The following TMOD2 variants were observed in gnomAD, a reference collection of about 807,000 sequenced individuals.
TMOD2 encodes the protein tropomodulin-2.
A neutral mutation model predicts 39.9 loss-of-function variants in TMOD2; 22 were observed. The observed-to-expected ratio is 0.55, with a 90% CI of 0.39 to 0.79. The LOEUF is 0.79. Among genes scored for constraint, TMOD2 ranks in the 30% least tolerant of loss-of-function variants. TMOD2 has a pLI of 0.00. For synonymous variants in TMOD2, 123 were observed against 146.1 expected (o/e 0.84, Z 1.14); for missense variants, 386 against 413.3 (o/e 0.93, Z 0.57).
intron 7 of TMOD2, among the ~76,000 whole-genome samples, chr15:51,797,275 C>G (rs1834107784): frequency 1.3e-5 from 2 of 152,134 alleles, no homozygotes; most frequent in Non-Finnish European, 2.9e-5. Flanking sequence ...GCACCTTCAC[C>G]AGAGGCTCTT....
At chr15:51,803,859 T>C (rs747649195) in intron 8 of TMOD2, among the ~76,000 whole-genome samples, 5 of 152,252 alleles carry the variant, frequency 3.3e-5, no homozygotes, top group Non-Finnish European at 7.3e-5. Flanking sequence ...AGAAAATTCA[T>C]TGTTCTTATT....
chr15:51,778,667 T>C (rs1448370304), intron 5 of TMOD2, among the ~76,000 whole-genome samples: 1,676 of 136,660 alleles, frequency 0.012, 28 homozygotes, highest in Admixed American at 0.055. Context: ...TTTTTTTTTT[T>C]TTCTTGAGAC....
chr15:51,768,754 C>T (rs12904900), intron 3 of TMOD2, among the ~76,000 whole-genome samples: 56,269 of 142,012 alleles, frequency 0.4, 11,538 homozygotes, highest in Admixed American at 0.44. Flanking sequence ...ATTTTATTGT[C>T]GTGGAGGGTC....
chr15:51,792,685 TA>T (rs1459170621), intron 7 of TMOD2, among the ~76,000 whole-genome samples: 2 of 152,100 alleles, frequency 1.3e-5, no homozygotes, highest in African/African-American at 4.8e-5. Flanking sequence ...TATGCAGCCA[TA>T]AAAAAGGATT....
chr15:51,789,956 A>G (rs2055998765), intron 7 of TMOD2, among the ~76,000 whole-genome samples: 1 of 152,196 alleles, frequency 6.6e-6, no homozygotes, highest in Non-Finnish European at 1.5e-5. Context: ...AGAACTAGAG[A>G]AGCAAGAGCA....
At chr15:51,787,151 A>G (rs2055976225) in intron 7 of TMOD2, among the ~76,000 whole-genome samples, 1 of 152,240 alleles carries the variant, frequency 6.6e-6, no homozygotes. Flanking sequence ...CACAGTCTTC[A>G]CAACCAGCGG....
intron 7 of TMOD2, among the ~76,000 whole-genome samples, chr15:51,791,749 A>G (rs940609792): frequency 2.6e-5 from 4 of 152,264 alleles, no homozygotes; most frequent in Non-Finnish European, 5.9e-5. Flanking sequence ...CACACAAGCA[A>G]TGGGGAAAAG....
At chr15:51,764,181 G>A (rs930608652) in intron 1 of TMOD2, among the ~76,000 whole-genome samples, 11 of 152,106 alleles carry the variant, frequency 7.2e-5, no homozygotes, top group East Asian at 1.9e-4. Context: ...CCCGGGCTTC[G>A]TGTTGCACAC....
rs771713735 is a variant in TMOD2 at position 51,782,712 on chromosome 15, C to T, written c.625-9C>T. 1 of 1,609,374 alleles carries T rather than the reference C, an allele frequency of 6.2e-7. No homozygotes were observed. Among genetic ancestry groups the T allele is most frequent in the Non-Finnish European group, 8.5e-7 (1 of 1,176,338 alleles). On this transcript the variant is annotated splice_polypyrimidine_tract_variant and intron_variant, in intron 6 of 9. Transcript: ENST00000249700. ...GGTTCATCAACTAGCCATGTCCTCT[C>T]TGTCTTAGAACATTCCAATTCCAAC...
At chr15:51,761,049 G>A (rs181578435) in intron 1 of TMOD2, among the ~76,000 whole-genome samples, 10 of 152,268 alleles carry the variant, frequency 6.6e-5, no homozygotes, top group African/African-American at 2.4e-4. Flanking sequence ...AGATTGTCTG[G>A]ATTTCATTCT....
At chr15:51,785,268 C>T (rs545533139) in intron 7 of TMOD2, among the ~76,000 whole-genome samples, 4 of 151,916 alleles carry the variant, frequency 2.6e-5, no homozygotes, top group East Asian at 3.9e-4. Flanking sequence ...AAAAATTAGC[C>T]GGGCGCGGTG....
intron 1 of TMOD2, among the ~76,000 whole-genome samples, chr15:51,758,297 G>A (rs1189822486): frequency 6.6e-6 from 1 of 152,074 alleles, no homozygotes; most frequent in African/African-American, 2.4e-5. Context: ...GTATGACATG[G>A]CACTTATTTT....
At chr15:51,785,835 G>C (rs1468833141) in intron 7 of TMOD2, among the ~76,000 whole-genome samples, 1 of 152,062 alleles carries the variant, frequency 6.6e-6, no homozygotes, top group Non-Finnish European at 1.5e-5. Context: ...TTGAGGTGAT[G>C]GCTATTCCAA....
intron 1 of TMOD2, among the ~76,000 whole-genome samples, chr15:51,758,146 A>T (rs550356930): frequency 6.6e-6 from 1 of 152,206 alleles, no homozygotes; most frequent in Non-Finnish European, 1.5e-5. Flanking sequence ...GTTGTGCTCC[A>T]GGAGGATGCA....
At chr15:51,766,669 C>A in intron 2 of TMOD2, 102 bp downstream of exon 2, 1 of 1,310,088 alleles carries the variant, frequency 7.6e-7, no homozygotes, top group African/African-American at 1.5e-5. Flanking sequence ...TCGGAATGCA[C>A]ATTTTCTTTT....
At chr15:51,789,122 G>A (rs1405408384) in intron 7 of TMOD2, among the ~76,000 whole-genome samples, 1 of 152,168 alleles carries the variant, frequency 6.6e-6, no homozygotes, top group Admixed American at 6.5e-5. Flanking sequence ...CCCATCTCAT[G>A]TACAAAGACA....
At position 51,813,388 on chromosome 15, in the gene TMOD2, G is replaced by A. The variant is rs1221129654; in HGVS notation, c.*4934G>A. 1 of 152,220 alleles carries A rather than the reference G, an allele frequency of 6.6e-6. No homozygotes were observed. The highest frequency in any genetic ancestry group is 1.5e-5 in the Non-Finnish European group (1 of 68,088). 9.4% of individuals were successfully genotyped at this position (152,220 alleles called of 1,614,324 possible). Reference sequence around the variant, plus strand: ...GTTGGGATACATTGTTGACTTGGGGGAGGATGAAGGAGAGAACTGATGACC... The same window carrying A: ...GTTGGGATACATTGTTGACTTGGGGAAGGATGAAGGAGAGAACTGATGACC... On this transcript the variant is annotated 3_prime_UTR_variant, in exon 10 of 10. Coordinates refer to ENST00000249700, the MANE Select transcript of TMOD2 (RefSeq NM_014548.4).
Position 51,811,096 on chromosome 15 carries a change from G to C in TMOD2, c.*2642G>C, listed in dbSNP as rs911707139. ...ATTACCTGTGTTTTTAAAGTGGCTT[G>C]AAAGGTGGCATTTCCATGAGTGTGC... On this transcript the variant is annotated 3_prime_UTR_variant, in exon 10 of 10. Coordinates refer to ENST00000249700, the MANE Select transcript of TMOD2 (RefSeq NM_014548.4). 6.6e-6 allele frequency: 1 copy of C among 152,116 alleles called. No homozygotes were observed. The highest frequency in any genetic ancestry group is 2.4e-5 in the African/African-American group (1 of 41,420). 9.4% of individuals were successfully genotyped at this position (152,116 alleles called of 1,614,324 possible). A position where few individuals can be genotyped will look rare whatever the true frequency, so the allele number is the denominator to read the frequency against.
chr15:51,783,138 C>CG (rs762767616), intron 7 of TMOD2: 71 of 299,272 alleles, frequency 2.4e-4, no homozygotes, highest in Admixed American at 5.0e-4. Context: ...TTCACATCTA[C>CG]AGTCATTGGA....
Sources: gnomAD v4.1 joint callset for allele counts (sites outside exome capture counted in the v4.1 genomes callset) on GRCh38, gnomAD v4.1.1 for gene constraint, MANE v1.5 for transcripts, NCBI Gene and HGNC (gene_info 2026-07-23, HGNC 2026-07-21) for gene names.